The following UBR3 variants were observed in gnomAD, a reference collection of about 807,000 sequenced individuals.
UBR3 encodes the protein E3 ubiquitin-protein ligase UBR3.
In UBR3, 85 loss-of-function variants were observed where a neutral mutation model predicts 243.2. The ratio of observed to expected loss-of-function variants is 0.35; its 90% confidence interval spans 0.29 to 0.42. The LOEUF (loss-of-function observed/expected upper bound fraction) is 0.42, where lower values mean the gene tolerates loss of function less well. Among genes scored for constraint, UBR3 ranks in the 10% least tolerant of loss-of-function variants. The pLI is 1.00. For missense variants in UBR3, 1,686 were observed against 2,300.8 expected, an observed-to-expected ratio of 0.73 and a Z score of 5.47; for synonymous variants, 748 against 799.8, an observed-to-expected ratio of 0.94 and a Z score of 1.09.
intron 5 of UBR3, among the ~76,000 whole-genome samples, chr2:169,882,566 C>A (rs1188848820): frequency 6.6e-6 from 1 of 150,672 alleles, no homozygotes; most frequent in Non-Finnish European, 1.5e-5. Context: ...CATTGTGAAA[C>A]CCCATCTCTA....
intron 1 of UBR3, among the ~76,000 whole-genome samples, chr2:169,840,174 T>C (rs1172290880): frequency 6.6e-6 from 1 of 152,198 alleles, no homozygotes; most frequent in East Asian, 1.9e-4. Context: ...GATGTGCTTA[T>C]TAAGGCCCAC....
chr2:170,033,045 T>C (rs2090721813), intron 31 of UBR3, among the ~76,000 whole-genome samples: 1 of 152,046 alleles, frequency 6.6e-6, no homozygotes, highest in Non-Finnish European at 1.5e-5. Context: ...TAATTTTCCT[T>C]TCTAGCTAGC....
intron 1 of UBR3, among the ~76,000 whole-genome samples, chr2:169,849,097 G>A (rs1354153778): frequency 1.3e-5 from 2 of 152,182 alleles, no homozygotes; most frequent in African/African-American, 4.8e-5. Context: ...GCAACAGCCT[G>A]GGCTCCAGAG....
At chr2:169,972,211 C>T (rs556051337) in intron 24 of UBR3, among the ~76,000 whole-genome samples, 2 of 152,066 alleles carry the variant, frequency 1.3e-5, no homozygotes, top group African/African-American at 2.4e-5. Flanking sequence ...AAGACTAAAC[C>T]AGGAAGAAGT....
At chr2:170,042,665 G>A (rs1340074932) in intron 32 of UBR3, among the ~76,000 whole-genome samples, 3 of 145,712 alleles carry the variant, frequency 2.1e-5, no homozygotes, top group African/African-American at 7.7e-5. Flanking sequence ...CTCTAGCCTG[G>A]GTGACAGAAT....
chr2:169,878,595 C>G (rs1275164434), intron 5 of UBR3, 21 bp downstream of exon 5: 2 of 1,545,192 alleles, frequency 1.3e-6, no homozygotes, highest in Non-Finnish European at 1.7e-6. Context: ...AAGTTCAAAA[C>G]TTTTTAAAAA....
intron 5 of UBR3, among the ~76,000 whole-genome samples, chr2:169,889,533 C>G (rs1470952261): frequency 6.6e-6 from 1 of 152,120 alleles, no homozygotes; most frequent in East Asian, 1.9e-4. Context: ...ATTCCTGTGT[C>G]TGTTTTCTAT....
intron 31 of UBR3, among the ~76,000 whole-genome samples, chr2:170,037,121 T>A (rs1013804935): frequency 6.6e-6 from 1 of 152,190 alleles, no homozygotes; most frequent in African/African-American, 2.4e-5. Flanking sequence ...GTATTTTTAG[T>A]GATTTTATAT....
intron 11 of UBR3, among the ~76,000 whole-genome samples, chr2:169,915,656 T>A (rs2085434466): frequency 6.6e-6 from 1 of 152,258 alleles, no homozygotes; most frequent in East Asian, 1.9e-4. Flanking sequence ...GCATCCTATC[T>A]GGTAGTTTGT....
chr2:170,053,227 A>G (rs2091260770), intron 32 of UBR3, among the ~76,000 whole-genome samples: 1 of 152,174 alleles, frequency 6.6e-6, no homozygotes, highest in Admixed American at 6.5e-5. Flanking sequence ...CTATGCCTAA[A>G]TTGTTTGTAC....
intron 20 of UBR3, among the ~76,000 whole-genome samples, chr2:169,945,621 A>G (rs1054655154): frequency 2.6e-5 from 4 of 152,176 alleles, no homozygotes; most frequent in African/African-American, 7.2e-5. Context: ...TGAGGACAAG[A>G]TGATATCTGC....
At chr2:169,998,292 G>T (rs2089570283) in intron 26 of UBR3, among the ~76,000 whole-genome samples, 1 of 152,006 alleles carries the variant, frequency 6.6e-6, no homozygotes, top group Non-Finnish European at 1.5e-5. Flanking sequence ...AAAAAGTTAG[G>T]GTATCTCTTT....
chr2:169,835,606 A>G (rs1171956757), intron 1 of UBR3, among the ~76,000 whole-genome samples: 1 of 151,794 alleles, frequency 6.6e-6, no homozygotes, highest in Non-Finnish European at 1.5e-5. Context: ...ATGCCCAGCT[A>G]ATTTTTGTAT....
intron 36 of UBR3, among the ~76,000 whole-genome samples, chr2:170,075,192 A>AC (rs528995157): frequency 6.6e-6 from 1 of 151,954 alleles, no homozygotes; most frequent in South Asian, 2.1e-4. Flanking sequence ...CTCATTTTAT[A>AC]CCCTTTTTTT....
Position 169,994,729 on chromosome 2 carries a change from G to T in UBR3, c.3918+273G>T, listed in dbSNP as rs573956313. Among the ~76,000 whole-genome samples, 17 of 152,274 alleles carry T rather than the reference G, an allele frequency of 1.1e-4. No homozygotes were observed. The South Asian group carries it at 1.4e-3, about 13-fold the overall frequency. Reference sequence around the variant, plus strand: ...GTACAGCAGGTCCTTAAATAACGTTGTTTCTTTCAACATTGTTTTGTTATA... The same window carrying T: ...GTACAGCAGGTCCTTAAATAACGTTTTTTCTTTCAACATTGTTTTGTTATA... On this transcript the variant is annotated intron_variant, in intron 26 of 38. Coordinates refer to ENST00000272793, the MANE Select transcript of UBR3 (RefSeq NM_172070.4).
chr2:170,057,118 C>CTTTTTTTT (rs34846378), intron 33 of UBR3, among the ~76,000 whole-genome samples: 1 of 135,816 alleles, frequency 7.4e-6, no homozygotes. Flanking sequence ...TTAGTTTTTT[C>CTTTTTTTT]TTTTTTTTTT....
intron 25 of UBR3, among the ~76,000 whole-genome samples, chr2:169,989,621 C>T (rs1215630602): frequency 6.6e-6 from 1 of 152,156 alleles, no homozygotes; most frequent in Non-Finnish European, 1.5e-5. Flanking sequence ...AATTTCACTT[C>T]ATCACCTATT....
At chr2:169,929,553 G>T (rs1027860186) in intron 18 of UBR3, among the ~76,000 whole-genome samples, 4 of 152,100 alleles carry the variant, frequency 2.6e-5, no homozygotes, top group African/African-American at 9.7e-5. Flanking sequence ...CTCCAGCCTA[G>T]GCAACAAGAG....
chr2:169,886,404 A>G (rs1166496899), intron 5 of UBR3, among the ~76,000 whole-genome samples: 1 of 152,192 alleles, frequency 6.6e-6, no homozygotes, highest in African/African-American at 2.4e-5. Flanking sequence ...TTATGAGGCA[A>G]CTTATTCCCT....
Sources: allele counts gnomAD v4.1 joint callset (sites outside exome capture counted in the v4.1 genomes callset), GRCh38; gene constraint gnomAD v4.1.1; transcripts MANE v1.5; gene names NCBI Gene and HGNC (gene_info 2026-07-23, HGNC 2026-07-21).